Variants in BLTP1 observed in about 807,000 individuals in gnomAD.
The protein encoded by BLTP1 is bridge-like lipid transfer protein family member 1.
chr4:122,204,788 A>G, the BLTP1 span: 1 of 671,174 alleles, frequency 1.5e-6, no homozygotes, highest in Non-Finnish European at 1.8e-6. Context: ...TAAAGTTAGA[A>G]AGCAGGGATA....
the BLTP1 span, chr4:122,214,421 G>T: frequency 1.0e-6 from 1 of 970,320 alleles, no homozygotes; most frequent in African/African-American, 1.8e-5. Flanking sequence ...GGGTTGTTTG[G>T]AATTTATTTT....
At chr4:122,331,663 A>G in the BLTP1 span, 13 of 1,434,426 alleles carry the variant, frequency 9.1e-6, no homozygotes, top group East Asian at 2.0e-4. Flanking sequence ...AAATGTAATT[A>G]TAGTTATAAT....
the BLTP1 span, among the ~76,000 whole-genome samples, chr4:122,178,564 C>T: frequency 3.9e-5 from 6 of 152,282 alleles, no homozygotes; most frequent in African/African-American, 9.6e-5. Flanking sequence ...TAATTGGAGA[C>T]GCCAAGGCAT....
At chr4:122,300,011 ATT>A in the BLTP1 span, 117 of 866,034 alleles carry the variant, frequency 1.4e-4, no homozygotes, top group Non-Finnish European at 1.6e-4. Flanking sequence ...ACAAATATAT[ATT>A]TTTTTATTTT....
the BLTP1 span, chr4:122,347,671 G>C: frequency 1.2e-6 from 2 of 1,613,822 alleles, no homozygotes; most frequent in Non-Finnish European, 1.7e-6. Context: ...TGTGTTCAAT[G>C]AGCATATGAC....
chr4:122,200,592 A>C, the BLTP1 span: 1,515 of 984,576 alleles, frequency 1.5e-3, 10 homozygotes, highest in African/African-American at 0.025. Flanking sequence ...ACAAAAAAAA[A>C]AAAAAAAAAA....
the BLTP1 span, chr4:122,269,794 T>C: frequency 1.2e-4 from 58 of 502,114 alleles, 2 homozygotes; most frequent in East Asian, 7.7e-3. Context: ...TCATACATGA[T>C]AGTTTCTTTG....
the BLTP1 span, chr4:122,264,454 A>G: frequency 5.3e-5 from 83 of 1,563,888 alleles, no homozygotes; most frequent in African/African-American, 1.0e-3. Flanking sequence ...TTTCCTAATT[A>G]TAATAATACC....
chr4:122,168,858 G>T, the BLTP1 span, among the ~76,000 whole-genome samples: 1 of 151,994 alleles, frequency 6.6e-6, no homozygotes, highest in South Asian at 2.1e-4. Context: ...TGTTTAATTT[G>T]CCTCTGTAAA....
chr4:122,167,956 G>A, the BLTP1 span: 2,295 of 924,604 alleles, frequency 2.5e-3, 3 homozygotes, highest in Admixed American at 4.4e-3. Context: ...TCACTATTAA[G>A]GAATTGGTGA....
At chr4:122,214,259 C>A in the BLTP1 span, 1 of 940,082 alleles carries the variant, frequency 1.1e-6, no homozygotes, top group Non-Finnish European at 1.3e-6. Flanking sequence ...GGTGACAAGA[C>A]ACTCATATAC....
the BLTP1 span, among the ~76,000 whole-genome samples, chr4:122,178,377 A>G: frequency 6.6e-6 from 1 of 152,240 alleles, no homozygotes; most frequent in Admixed American, 6.5e-5. Context: ...AGAAGCAGCA[A>G]TGAGGGAAAT....
chr4:122,251,402 T>TATAC, the BLTP1 span: 1 of 887,564 alleles, frequency 1.1e-6, no homozygotes, highest in Non-Finnish European at 1.3e-6. Flanking sequence ...TAATCATGGG[T>TATAC]ATACTCACCT....
chr4:122,178,032 T>C, the BLTP1 span: 1 of 773,076 alleles, frequency 1.3e-6, no homozygotes, highest in Non-Finnish European at 1.6e-6. Flanking sequence ...AAGAACTCAT[T>C]TGTATAAAAG....
chr4:122,311,311 G>T, the BLTP1 span, among the ~76,000 whole-genome samples: 1 of 152,114 alleles, frequency 6.6e-6, no homozygotes, highest in East Asian at 1.9e-4. Context: ...ATTTATTTTG[G>T]GTTTTAGAGG....
chr4:122,200,390 C>G, the BLTP1 span: 1 of 598,620 alleles, frequency 1.7e-6, no homozygotes, highest in Non-Finnish European at 2.1e-6. Flanking sequence ...CCAGCCTGAC[C>G]AATATGGTGA....
At chr4:122,269,603 T>C in the BLTP1 span, 1 of 984,928 alleles carries the variant, frequency 1.0e-6, no homozygotes, top group Non-Finnish European at 1.2e-6. Context: ...TTCCCAGCCA[T>C]TAATTTCAGT....
chr4:122,162,177 G>A, the BLTP1 span, among the ~76,000 whole-genome samples: 1 of 152,176 alleles, frequency 6.6e-6, no homozygotes, highest in Admixed American at 6.5e-5. Context: ...TTTATTGAAT[G>A]GATAAGCAAA....
the BLTP1 span, among the ~76,000 whole-genome samples, chr4:122,299,344 A>G: frequency 6.6e-6 from 1 of 152,336 alleles, no homozygotes; most frequent in East Asian, 1.9e-4. Context: ...ACTACTTAGG[A>G]GTAAAAAATA....
Sources: allele counts gnomAD v4.1 joint callset (sites outside exome capture counted in the v4.1 genomes callset), GRCh38; gene constraint gnomAD v4.1.1; transcripts MANE v1.5; gene names NCBI Gene and HGNC (gene_info 2026-07-23, HGNC 2026-07-21).